The following ANKFN1 variants were observed in gnomAD, a reference collection of about 807,000 sequenced individuals.
The protein encoded by ANKFN1 is ankyrin repeat and fibronectin type-III domain-containing protein 1.
ANKFN1 carries 74 observed loss-of-function variants against 108.7 expected under a neutral mutation model. The observed-to-expected ratio is 0.68, with a 90% CI of 0.56 to 0.83. The LOEUF (loss-of-function observed/expected upper bound fraction) is 0.83. ANKFN1 is among the 40% of genes least tolerant of loss of function. The pLI is 0.00. For synonymous variants in ANKFN1, 547 were observed against 516.2 expected (o/e 1.06, Z -0.81); for missense variants, 1,505 against 1,382.3 (o/e 1.09, Z -1.41).
At chr17:56,487,744 G>A (rs1270338432) in intron 18 of ANKFN1, among the ~76,000 whole-genome samples, 3 of 152,174 alleles carry the variant, frequency 2.0e-5, no homozygotes, top group Non-Finnish European at 4.4e-5. Flanking sequence ...TAAGAGGCAG[G>A]CTATTGAGTT....
intron 4 of ANKFN1, among the ~76,000 whole-genome samples, chr17:56,098,600 A>C (rs187323041): frequency 6.6e-6 from 1 of 152,250 alleles, no homozygotes; most frequent in Admixed American, 6.5e-5. Flanking sequence ...TTGTTTTATT[A>C]ACTGATATAT....
intron 8 of ANKFN1, among the ~76,000 whole-genome samples, chr17:56,420,281 A>G (rs1309802397): frequency 6.6e-6 from 1 of 152,216 alleles, no homozygotes; most frequent in Non-Finnish European, 1.5e-5. Context: ...AAGTAAAATT[A>G]CACCTCTATT....
At chr17:56,145,292 A>G (rs1908190719) in intron 4 of ANKFN1, among the ~76,000 whole-genome samples, 1 of 152,238 alleles carries the variant, frequency 6.6e-6, no homozygotes, top group African/African-American at 2.4e-5. Flanking sequence ...TCAGAAAAAT[A>G]GAATGTTTTT....
chr17:56,283,346 G>C (rs2044133563), intron 3 of ANKFN1, among the ~76,000 whole-genome samples: 2 of 152,008 alleles, frequency 1.3e-5, no homozygotes, highest in Admixed American at 6.6e-5. Flanking sequence ...AGAAGTGAAA[G>C]TAGAACTACC....
At chr17:56,478,090 G>T (rs991300571) in intron 16 of ANKFN1, among the ~76,000 whole-genome samples, 2 of 152,136 alleles carry the variant, frequency 1.3e-5, no homozygotes, top group Non-Finnish European at 2.9e-5. Context: ...GCCTCCCAAA[G>T]TGCTGGGATT....
chr17:56,048,324 C>A (rs981816409), intron 4 of ANKFN1, among the ~76,000 whole-genome samples: 2 of 152,012 alleles, frequency 1.3e-5, no homozygotes, highest in Non-Finnish European at 2.9e-5. Context: ...GGGATGAATT[C>A]TTAACATTGA....
intron 15 of ANKFN1, among the ~76,000 whole-genome samples, chr17:56,475,424 T>A (rs1032315567): frequency 2.6e-5 from 4 of 152,110 alleles, no homozygotes; most frequent in African/African-American, 7.2e-5. Flanking sequence ...TAACATCTGC[T>A]AGATGTTGCA....
At chr17:56,428,211 G>A (rs568885500) in intron 8 of ANKFN1, among the ~76,000 whole-genome samples, 2 of 151,270 alleles carry the variant, frequency 1.3e-5, no homozygotes, top group Non-Finnish European at 2.9e-5. Context: ...TCCAGCCTGG[G>A]CAACAAGAGT....
intron 4 of ANKFN1, among the ~76,000 whole-genome samples, chr17:56,330,596 A>T (rs1476776524): frequency 1.3e-5 from 2 of 152,172 alleles, no homozygotes; most frequent in Non-Finnish European, 2.9e-5. Context: ...GGGAACAGGT[A>T]GGGTAACCAG....
chr17:56,368,134 A>G (rs2046708050), intron 6 of ANKFN1: 5 of 1,304,466 alleles, frequency 3.8e-6, no homozygotes, highest in Non-Finnish European at 5.2e-6. Flanking sequence ...CCTGATCACT[A>G]TAAATATTCT....
intron 1 of ANKFN1, among the ~76,000 whole-genome samples, chr17:56,157,554 G>A (rs1909231561): frequency 6.6e-6 from 1 of 152,296 alleles, no homozygotes; most frequent in Admixed American, 6.5e-5. Flanking sequence ...GACTTTAGGA[G>A]TATGTGTGGA....
intron 3 of ANKFN1, among the ~76,000 whole-genome samples, chr17:56,261,156 G>A (rs921913534): frequency 7.2e-5 from 11 of 152,124 alleles, no homozygotes; most frequent in African/African-American, 1.7e-4. Context: ...TCACCTGTAC[G>A]GACCTTGTTA....
At chr17:56,210,184 G>A (rs560846304) in intron 1 of ANKFN1, among the ~76,000 whole-genome samples, 20 of 152,198 alleles carry the variant, frequency 1.3e-4, no homozygotes, top group African/African-American at 4.3e-4. Flanking sequence ...TTGCAATTGC[G>A]AATGGTGCTG....
chr17:56,311,227 G>A (rs544969007), intron 3 of ANKFN1, among the ~76,000 whole-genome samples: 95 of 152,216 alleles, frequency 6.2e-4, no homozygotes, highest in Non-Finnish European at 8.7e-4. Flanking sequence ...TCATGTGAAG[G>A]TGATTCTTTT....
intron 3 of ANKFN1, among the ~76,000 whole-genome samples, chr17:56,318,245 G>A (rs78550620): frequency 3.9e-5 from 6 of 152,056 alleles, no homozygotes; most frequent in African/African-American, 1.4e-4. Context: ...GTTCTGGGGG[G>A]GGTGTGCTGG....
chr17:56,347,040 A>G (rs779534978), intron 4 of ANKFN1, among the ~76,000 whole-genome samples: 12 of 151,002 alleles, frequency 7.9e-5, no homozygotes, highest in Admixed American at 5.3e-4. Context: ...TTCATTTTAC[A>G]TTTTCTATTT....
chr17:56,115,584 G>A (rs1284158623), intron 4 of ANKFN1, among the ~76,000 whole-genome samples: 1 of 152,098 alleles, frequency 6.6e-6, no homozygotes, highest in African/African-American at 2.4e-5. Flanking sequence ...TGTTGAGTTT[G>A]AAAAATTTAT....
chr17:56,148,654 C>A (rs1386637575), upstream of ANKFN1, among the ~76,000 whole-genome samples: 2 of 152,054 alleles, frequency 1.3e-5, no homozygotes, highest in African/African-American at 2.4e-5. Flanking sequence ...AAAAAAATGG[C>A]AAAACTTGGT....
At chr17:56,132,077 A>C (rs1451884675) in intron 4 of ANKFN1, among the ~76,000 whole-genome samples, 1 of 152,150 alleles carries the variant, frequency 6.6e-6, no homozygotes, top group Non-Finnish European at 1.5e-5. Context: ...TTTGCAAGTG[A>C]CTCATGATAG....
Sources: gnomAD v4.1 joint callset for allele counts (sites outside exome capture counted in the v4.1 genomes callset) on GRCh38, gnomAD v4.1.1 for gene constraint, MANE v1.5 for transcripts, NCBI Gene and HGNC (gene_info 2026-07-23, HGNC 2026-07-21) for gene names.